PAK2: variants seen among roughly 807,000 people sequenced by gnomAD.
PAK2 encodes the protein serine/threonine-protein kinase PAK 2.
In PAK2, 21 loss-of-function variants were observed where a neutral mutation model predicts 65.9. The observed-to-expected ratio is 0.32, with a 90% CI of 0.23 to 0.46. PAK2 has a LOEUF of 0.46. PAK2 is among the 20% of genes least tolerant of loss of function. The pLI is 1.00. For synonymous variants in PAK2, 204 were observed against 219.7 expected (o/e 0.93, Z 0.63); for missense variants, 324 against 642.6 (o/e 0.50, Z 5.36).
chr3:196,814,409 A>G (rs1156627344), intron 10 of PAK2, 42 bp from the exon 11 acceptor site: 5 of 758,204 alleles, frequency 6.6e-6, no homozygotes, highest in Non-Finnish European at 1.1e-5. Context: ...TGTGTTTAGG[A>G]AAAATAAAAG....
At chr3:196,783,603 G>GTA (rs557724031) in intron 2 of PAK2, among the ~76,000 whole-genome samples, 9 of 148,974 alleles carry the variant, frequency 6.0e-5, no homozygotes, top group South Asian at 4.2e-4. Flanking sequence ...AAAAGTGTAC[G>GTA]TATATATATG....
chr3:196,751,674 C>CACACATATATATATATATATAT (rs1250574181), intron 1 of PAK2, among the ~76,000 whole-genome samples: 1 of 71,818 alleles, frequency 1.4e-5, no homozygotes, highest in African/African-American at 7.5e-5. Flanking sequence ...TATTTATATA[C>CACACATATATATATATATATAT]ATATATATAT....
intron 11 of PAK2, among the ~76,000 whole-genome samples, chr3:196,815,822 G>C (rs77267508): frequency 3.3e-5 from 5 of 151,648 alleles, no homozygotes; most frequent in Non-Finnish European, 5.9e-5. Context: ...CCACTCAACC[G>C]TGGAAACTAG....
rs1163853360 is a variant in PAK2, at chr3:196,811,231, T to C, written c.773+578T>C. Among the ~76,000 whole-genome samples the C allele has an allele frequency of 5.6e-3, 16 of 2,858 alleles. 3 individuals carry two copies. Among genetic ancestry groups the C allele is most frequent in the Non-Finnish European group, 9.1e-3 (13 of 1,426 alleles). 1.9% of individuals were successfully genotyped at this position (2,858 alleles called of 152,430 possible). On this transcript the variant is annotated intron_variant, in intron 8 of 14. Transcript: ENST00000327134. ...CCTTCCCTTCCCTCCCTCCCTTCCC[T>C]TCCCTTCCTTCCCTCCCTCCCCTCC... is the stretch of plus-strand genomic sequence containing the variant.
chr3:196,809,205 G>A (rs893407202), intron 7 of PAK2, among the ~76,000 whole-genome samples: 4 of 151,452 alleles, frequency 2.6e-5, no homozygotes, highest in Non-Finnish European at 5.9e-5. Flanking sequence ...CTGTGATTGC[G>A]CCACTGCACT....
chr3:196,791,849 A>G lies in PAK2; in HGVS notation c.187+9016A>G, dbSNP rs1045389702. On this transcript the variant is annotated intron_variant, in intron 2 of 14. Transcript: ENST00000327134. This position sits in a 1 kb window ranked among gnomAD's most constrained non-coding sequence, Gnocchi z 4.0. ...TGAGGCAGGAGAATGGCGGGAACCC[A>G]GGAGGCGGAGCTTGCAGTGGAGCTG... Among the ~76,000 whole-genome samples, 6 of 151,792 alleles carry G rather than the reference A, an allele frequency of 4.0e-5. No homozygotes were observed. Among genetic ancestry groups the G allele is most frequent in the Non-Finnish European group, 7.4e-5 (5 of 67,940 alleles).
In PAK2 at chr3:196,774,957, TCAA is replaced by T. The variant is rs10599627; in HGVS notation, c.-21-7661_-21-7659del. Among the ~76,000 whole-genome samples the T allele has an allele frequency of 9.5e-3, 1,450 of 152,282 alleles. 24 individuals are homozygous for T. Among genetic ancestry groups the T allele is most frequent in the African/African-American group, 0.032 (1,339 of 41,560 alleles). ...ACCAACCTAATAGAATTTCTTCCAC[TCAA>T]CAACAACTGAAAACATAGAGACTGA... On this transcript the variant is annotated intron_variant, in intron 1 of 14. Coordinates refer to ENST00000327134, the MANE Select transcript of PAK2 (RefSeq NM_002577.4).
At chr3:196,765,007 G>C (rs1714112745) in intron 1 of PAK2, among the ~76,000 whole-genome samples, 1 of 148,270 alleles carries the variant, frequency 6.7e-6, no homozygotes, top group African/African-American at 2.5e-5. Flanking sequence ...ACCACGCCCA[G>C]CTAATTTTTT....
In PAK2 at chr3:196,804,769, T is replaced by C. The variant is rs992899899; in HGVS notation, c.437-583T>C. 4.6e-5 allele frequency among the ~76,000 whole-genome samples: 7 copies of C among 151,688 alleles called. 1 individual carries two copies. Among genetic ancestry groups the C allele is most frequent in the Admixed American group, 4.0e-4 (6 of 15,186 alleles). Reference sequence around the variant, plus strand: ...CAGGCATGAGCCACCGCGCCCGGCCTGTGCGTATGTAATATGTGATATGTG... The same window carrying C: ...CAGGCATGAGCCACCGCGCCCGGCCCGTGCGTATGTAATATGTGATATGTG... On this transcript the variant is annotated intron_variant, in intron 4 of 14. Coordinates refer to ENST00000327134, the MANE Select transcript of PAK2 (RefSeq NM_002577.4).
chr3:196,801,808 G>T, intron 2 of PAK2, 119 bp from the exon 3 acceptor site: 1 of 599,114 alleles, frequency 1.7e-6, no homozygotes, highest in East Asian at 2.9e-5. Flanking sequence ...ACTCCAGCCT[G>T]GGCAACAAGA....
chr3:196,755,945 G>A (rs553390010), intron 1 of PAK2, among the ~76,000 whole-genome samples: 2 of 152,044 alleles, frequency 1.3e-5, no homozygotes, highest in African/African-American at 2.4e-5. Context: ...CAATAGAGAC[G>A]GGGTTTCACT....
intron 1 of PAK2, among the ~76,000 whole-genome samples, chr3:196,747,901 C>T (rs1276339436): frequency 2.0e-5 from 3 of 152,096 alleles, no homozygotes; most frequent in African/African-American, 7.2e-5. Flanking sequence ...ATTTCTTCTG[C>T]CTGAATGTCA....
At chr3:196,821,175 A>C (rs1711637331) in intron 13 of PAK2, among the ~76,000 whole-genome samples, 1 of 152,030 alleles carries the variant, frequency 6.6e-6, no homozygotes, top group African/African-American at 2.4e-5. Flanking sequence ...TATGTGGCTC[A>C]ACATTATCAG....
At chr3:196,770,609 T>C (rs1577710445) in intron 1 of PAK2, among the ~76,000 whole-genome samples, 2 of 151,884 alleles carry the variant, frequency 1.3e-5, no homozygotes, top group East Asian at 3.9e-4. Flanking sequence ...TTATATATAG[T>C]ATTTTATTTT....
chr3:196,759,498 G>GTTTTTTTTTTTTTTTTTTTTTTTTTTTTT (rs71301221), intron 1 of PAK2, among the ~76,000 whole-genome samples: 4 of 108,160 alleles, frequency 3.7e-5, no homozygotes, highest in Admixed American at 1.1e-4. Flanking sequence ...GGTTTTTTTT[G>GTTTTTTTTTTTTTTTTTTTTTTTTTTTTT]TTTTTTTTTT....
chr3:196,794,165 T>C (rs1339499871), intron 2 of PAK2, among the ~76,000 whole-genome samples: 1 of 151,940 alleles, frequency 6.6e-6, no homozygotes, highest in Admixed American at 6.6e-5. Flanking sequence ...TCTCAAAGAA[T>C]TAAACAGAAA....
chr3:196,745,773 CA>C (rs1357777591), intron 1 of PAK2, among the ~76,000 whole-genome samples: 1 of 150,338 alleles, frequency 6.7e-6, no homozygotes. Context: ...GAGATCAAGC[CA>C]CTGCACTCCA....
At chr3:196,747,924 T>A (rs1012173545) in intron 1 of PAK2, among the ~76,000 whole-genome samples, 1 of 152,136 alleles carries the variant, frequency 6.6e-6, no homozygotes, top group Non-Finnish European at 1.5e-5. Context: ...GAGGCCATAT[T>A]TGAAAGAGAT....
Position 196,779,721 on chromosome 3 carries a change from G to A in PAK2, c.-21-2905G>A, listed in dbSNP as rs1454203293. Among the ~76,000 whole-genome samples the A allele has an allele frequency of 6.6e-5, 10 of 152,128 alleles. No homozygotes were observed. In the East Asian group the frequency reaches 1.9e-3, roughly 29 times the overall value. On this transcript the variant is annotated intron_variant, in intron 1 of 14. Transcript: ENST00000327134. Reference sequence around the variant, plus strand: ...GATGTCTCACTCTGTTACCCACGCTGGAGTACAATGGCATGATCTCAGCTC... The same window carrying A: ...GATGTCTCACTCTGTTACCCACGCTAGAGTACAATGGCATGATCTCAGCTC...
Sources: gnomAD v4.1 joint callset for allele counts (sites outside exome capture counted in the v4.1 genomes callset) on GRCh38, gnomAD v4.1.1 for gene constraint, Gnocchi (gnomAD v3.1) non-coding constraint, MANE v1.5 for transcripts, NCBI Gene and HGNC (gene_info 2026-07-23, HGNC 2026-07-21) for gene names.